IQCH: variants seen among roughly 807,000 people sequenced by gnomAD.
IQCH encodes IQ domain-containing protein H.
A neutral mutation model predicts 117.0 loss-of-function variants in IQCH; 98 were observed. That is an observed-to-expected ratio of 0.84 (90% confidence interval 0.71 to 0.99). The LOEUF (loss-of-function observed/expected upper bound fraction) is 0.99, where lower values mean the gene tolerates loss of function less well. Ranked by LOEUF, IQCH falls within the 50% of genes least tolerant of loss-of-function variation. The pLI, the probability that IQCH is intolerant of heterozygous loss-of-function variation, is 0.00. For missense variants in IQCH, 1,102 were observed against 1,243.8 expected (o/e 0.89, Z 1.72); for synonymous variants, 412 against 448.2 (o/e 0.92, Z 1.02).
At chr15:67,279,958 G>A (rs924950710) in intron 4 of IQCH, among the ~76,000 whole-genome samples, 2 of 152,060 alleles carry the variant, frequency 1.3e-5, no homozygotes, top group African/African-American at 4.8e-5. Flanking sequence ...GGAACTTTCA[G>A]TGAGCCGAGA....
rs1968703840 is a variant in IQCH, at chr15:67,332,371, G to A, written c.388-4604G>A. Among the ~76,000 whole-genome samples the A allele has an allele frequency of 2.0e-5, 3 of 152,114 alleles. No homozygotes were observed. In the South Asian group the frequency reaches 6.2e-4, roughly 32 times the overall value. ...CAGACTTCACAATAATTATCATTGT[G>A]GAAGAAAATGGTGCAATGTCTACAA... On this transcript the variant is annotated intron_variant, in intron 4 of 20. Coordinates refer to ENST00000335894, the MANE Select transcript of IQCH (RefSeq NM_001031715.3).
rs2082328719 is a variant in IQCH, at chr15:67,443,516, C to T, written c.2506-21611C>T. Among the ~76,000 whole-genome samples the T allele has an allele frequency of 6.6e-6, 1 of 152,092 alleles. No individual in the cohort carries two copies. The highest frequency in any genetic ancestry group is 1.5e-5 in the Non-Finnish European group (1 of 68,012). ...ATGGGTGCAGCAAATTTTCACAAAT[C>T]ACCACAAAAGAACTTACTCATGTAA... On this transcript the variant is annotated intron_variant, in intron 16 of 20. Coordinates refer to ENST00000335894, the MANE Select transcript of IQCH (RefSeq NM_001031715.3). The surrounding 1 kb of genome is among the most constrained non-coding windows in gnomAD (Gnocchi z 5.0).
In IQCH at chr15:67,388,824, T is replaced by A; in HGVS notation, c.1457-7T>A. On this transcript the variant is annotated splice_region_variant and splice_polypyrimidine_tract_variant and intron_variant, in intron 11 of 20. Transcript: ENST00000335894. This position sits in a 1 kb window ranked among gnomAD's most constrained non-coding sequence, Gnocchi z 5.5. ...CCAGTAATTAACATTGTGCCTGTTG[T>A]TTTTAGATGCCAATGTGAATGTCAT... is the stretch of plus-strand genomic sequence containing the variant. 6.2e-7 allele frequency: 1 copy of A among 1,610,310 alleles called. No individual in the cohort carries two copies.
intron 4 of IQCH, among the ~76,000 whole-genome samples, chr15:67,309,067 C>T (rs1303549209): frequency 2.6e-5 from 4 of 151,974 alleles, no homozygotes; most frequent in Non-Finnish European, 2.9e-5. Flanking sequence ...CTTACTAGAC[C>T]GGGATCTCCC....
intron 4 of IQCH, among the ~76,000 whole-genome samples, chr15:67,308,547 A>C (rs1012499897): frequency 4.6e-5 from 7 of 152,128 alleles, no homozygotes; most frequent in Non-Finnish European, 8.8e-5. Context: ...GGCATGCACA[A>C]CATCCCACTC....
rs569975447 is a variant in IQCH at position 67,494,290 on chromosome 15, T to G, written c.2894T>G (p.Met965Arg). The stretch of plus-strand genomic sequence containing the variant: ...GGCGAGGATCTCCAGGGGGTCCTCA[T>G]GACCTTTGCTCGCCATCTCTTCATC... Reference protein sequence around the residue: ...TIGEDLQGVLMTFARHLFIIH... With the variant: ...TIGEDLQGVLRTFARHLFIIH... Residue 965 changes from methionine (M) to arginine (R), a missense_variant, in exon 20 of 21, where the codon ATG (methionine) becomes AGG (arginine). Met to Arg is a moderately conservative substitution (Grantham distance 91). Coordinates refer to ENST00000335894, the MANE Select transcript of IQCH (RefSeq NM_001031715.3). The surrounding 1 kb of genome is among the most constrained non-coding windows in gnomAD (Gnocchi z 5.5). The G allele has an allele frequency of 3.7e-6, 6 of 1,612,908 alleles. No homozygotes were observed. The highest frequency in any genetic ancestry group is 1.7e-5 in the Admixed American group (1 of 59,636).
rs1567038326 is a variant in IQCH at position 67,254,804 on chromosome 15, C to T, written c.-93C>T. On this transcript the variant is annotated 5_prime_UTR_variant, in exon 1 of 21. Coordinates refer to ENST00000335894, the MANE Select transcript of IQCH (RefSeq NM_001031715.3). ...CCAGCGTGGAACAGGCCAGGTCGCG[C>T]GCGGTGTTGCCATGGGGACGAGCGG... 1.4e-6 allele frequency: 2 copies of T among 1,416,920 alleles called. No homozygotes were observed. The highest frequency in any genetic ancestry group is 2.0e-6 in the Non-Finnish European group (2 of 1,020,696). 87.8% of individuals were successfully genotyped at this position (1,416,920 alleles called of 1,614,324 possible).
chr15:67,262,812 G>T (rs1176123441), intron 2 of IQCH, among the ~76,000 whole-genome samples: 3 of 152,104 alleles, frequency 2.0e-5, no homozygotes, highest in African/African-American at 7.2e-5. Context: ...TTAAGCCTTG[G>T]AGGCTGAGGC....
At chr15:67,328,100 C>A (rs1968493580) in intron 4 of IQCH, among the ~76,000 whole-genome samples, 1 of 152,190 alleles carries the variant, frequency 6.6e-6, no homozygotes, top group African/African-American at 2.4e-5. Flanking sequence ...TGCCTGCTTT[C>A]ATTCTCAGTG....
chr15:67,355,487 G>A (rs1389043359), intron 6 of IQCH, among the ~76,000 whole-genome samples: 2 of 152,050 alleles, frequency 1.3e-5, no homozygotes, highest in East Asian at 1.9e-4. Context: ...CTATTCTGGA[G>A]GCCGAAGCAG....
Position 67,479,237 on chromosome 15 carries a change from A to C in IQCH, c.2799+3419A>C, listed in dbSNP as rs775868025. The stretch of plus-strand genomic sequence containing the variant: ...ATTTATTCTTCATGCCTGTCCTATA[A>C]GAAGGTGTTATTTCTACCATATTAC... On this transcript the variant is annotated intron_variant, in intron 18 of 20. Coordinates refer to ENST00000335894, the MANE Select transcript of IQCH (RefSeq NM_001031715.3). The surrounding 1 kb of genome is among the most constrained non-coding windows in gnomAD (Gnocchi z 4.6). 6.6e-6 allele frequency among the ~76,000 whole-genome samples: 1 copy of C among 152,186 alleles called. No individual in the cohort carries two copies. The highest frequency in any genetic ancestry group is 1.5e-5 in the Non-Finnish European group (1 of 68,040).
intron 16 of IQCH, among the ~76,000 whole-genome samples, chr15:67,442,016 C>T (rs778067797): frequency 5.3e-5 from 8 of 152,048 alleles, no homozygotes; most frequent in South Asian, 2.1e-4. Context: ...GAATCTACAA[C>T]GAACTCAAAC....
At chr15:67,353,915 A>G (rs1306453651) in intron 6 of IQCH, among the ~76,000 whole-genome samples, 1 of 152,168 alleles carries the variant, frequency 6.6e-6, no homozygotes, top group Admixed American at 6.5e-5. Flanking sequence ...AAACAATATT[A>G]TTAGATAATT....
At chr15:67,315,991 C>G (rs1967827415) in intron 4 of IQCH, among the ~76,000 whole-genome samples, 1 of 152,142 alleles carries the variant, frequency 6.6e-6, no homozygotes, top group African/African-American at 2.4e-5. Flanking sequence ...CCTCATCTTC[C>G]CAAAGCCACC....
chr15:67,411,232 C>T lies in IQCH; in HGVS notation c.2098-5699C>T, dbSNP rs1254394427. Among the ~76,000 whole-genome samples the T allele has an allele frequency of 2.6e-5, 4 of 152,080 alleles. No homozygotes were observed. The highest frequency in any genetic ancestry group is 9.7e-5 in the African/African-American group (4 of 41,406). ...ATCCGGAGCACCTTTCATGGTGCTCCCCACTTTACACTCTGAAGAGGCAGC... is the reference window on the plus strand; with the variant it reads ...ATCCGGAGCACCTTTCATGGTGCTCTCCACTTTACACTCTGAAGAGGCAGC... On this transcript the variant is annotated intron_variant, in intron 14 of 20. Transcript: ENST00000335894. This position sits in a 1 kb window ranked among gnomAD's most constrained non-coding sequence, Gnocchi z 4.4.
intron 19 of IQCH, among the ~76,000 whole-genome samples, chr15:67,492,816 G>A (rs2083698014): frequency 6.6e-6 from 1 of 152,194 alleles, no homozygotes; most frequent in African/African-American, 2.4e-5. Flanking sequence ...GAGGAACCAG[G>A]CAAGAGGAAA....
At chr15:67,345,725 G>C (rs1313058072) in intron 6 of IQCH, among the ~76,000 whole-genome samples, 2 of 152,204 alleles carry the variant, frequency 1.3e-5, no homozygotes, top group East Asian at 3.8e-4. Flanking sequence ...AAGGAGACAT[G>C]ATGACTAAAT....
intron 6 of IQCH, among the ~76,000 whole-genome samples, chr15:67,345,146 C>T (rs2166185): frequency 0.29 from 44,129 of 152,064 alleles, 8,374 homozygotes; most frequent in Non-Finnish European, 0.44. Flanking sequence ...CCCATCACCA[C>T]GCCTGATTAA....
chr15:67,306,902 G>T, intron 4 of IQCH: 5 of 1,507,626 alleles, frequency 3.3e-6, no homozygotes, highest in Non-Finnish European at 4.4e-6. Context: ...TCCAGTTCCA[G>T]TTAGACTTTA....
Sources: allele counts gnomAD v4.1 joint callset (sites outside exome capture counted in the v4.1 genomes callset), GRCh38; gene constraint gnomAD v4.1.1; non-coding constraint Gnocchi (gnomAD v3.1); transcripts MANE v1.5; gene names NCBI Gene and HGNC (gene_info 2026-07-23, HGNC 2026-07-21).